The following TMEM132D variants were observed in gnomAD, a reference collection of about 807,000 sequenced individuals.
TMEM132D encodes the protein mature OL transmembrane protein.
Under a neutral mutation model 62.3 loss-of-function variants are expected in TMEM132D, and 21 were observed. The observed-to-expected ratio is 0.34, with a 90% CI of 0.24 to 0.49. The LOEUF (loss-of-function observed/expected upper bound fraction) is 0.49. Ranked by LOEUF, TMEM132D falls within the 20% of genes least tolerant of loss-of-function variation. The pLI is 0.99. For missense variants in TMEM132D, 1,346 were observed against 1,402.8 expected, an observed-to-expected ratio of 0.96 and a Z score of 0.65; for synonymous variants, 621 against 575.6, an observed-to-expected ratio of 1.08 and a Z score of -1.13.
intron 4 of TMEM132D, among the ~76,000 whole-genome samples, chr12:129,325,542 G>A (rs981449053): frequency 6.6e-6 from 1 of 152,168 alleles, no homozygotes; most frequent in East Asian, 1.9e-4. Flanking sequence ...TTTCTTGTGA[G>A]AAATACAACA....
chr12:129,782,329 A>G (rs1871142795), intron 1 of TMEM132D, among the ~76,000 whole-genome samples: 1 of 152,126 alleles, frequency 6.6e-6, no homozygotes, highest in Non-Finnish European at 1.5e-5. Flanking sequence ...GTTTCAGACC[A>G]TGGGCTCTGG....
intron 2 of TMEM132D, among the ~76,000 whole-genome samples, chr12:129,654,759 A>C (rs1207735319): frequency 6.6e-6 from 1 of 152,084 alleles, no homozygotes; most frequent in African/African-American, 2.4e-5. Flanking sequence ...TCTCCTTTTT[A>C]CTCTCAAGAG....
intron 4 of TMEM132D, among the ~76,000 whole-genome samples, chr12:129,337,092 C>T (rs1435616324): frequency 6.6e-6 from 1 of 152,154 alleles, no homozygotes; most frequent in African/African-American, 2.4e-5. Context: ...TTAGTGTCAC[C>T]GGGCAGCTGT....
chr12:129,849,397 T>C (rs1005942069), intron 1 of TMEM132D, among the ~76,000 whole-genome samples: 1 of 152,200 alleles, frequency 6.6e-6, no homozygotes, highest in Non-Finnish European at 1.5e-5. Context: ...CCCGCTTAGT[T>C]TGAGTCATCA....
At chr12:129,088,112 C>T (rs1355462550) in intron 5 of TMEM132D, among the ~76,000 whole-genome samples, 11 of 58,102 alleles carry the variant, frequency 1.9e-4, no homozygotes, top group Non-Finnish European at 2.0e-4. Context: ...GGGTGTCCTC[C>T]CTGACCGGGT....
At chr12:129,447,677 A>G (rs1873145142) in intron 3 of TMEM132D, among the ~76,000 whole-genome samples, 1 of 152,216 alleles carries the variant, frequency 6.6e-6, no homozygotes, top group Admixed American at 6.5e-5. Flanking sequence ...TGTGCACTGT[A>G]CAAATTAGCT....
Position 129,296,049 on chromosome 12 carries a change from T to C in TMEM132D, c.1299+41585A>G, listed in dbSNP as rs139421372. ...ATATATATGAACATGCACACACATA[T>C]ATACATCTATATGAACATGCACACA... is the stretch of plus-strand genomic sequence containing the variant. On this transcript the variant is annotated intron_variant, in intron 4 of 8. Coordinates refer to ENST00000422113, the MANE Select transcript of TMEM132D (RefSeq NM_133448.3). 6.0e-4 allele frequency among the ~76,000 whole-genome samples: 91 copies of C among 150,486 alleles called. 1 individual carries two copies. In the East Asian group the frequency reaches 0.017, roughly 28 times the overall value.
intron 3 of TMEM132D, among the ~76,000 whole-genome samples, chr12:129,392,802 C>A (rs1320394823): frequency 6.6e-6 from 1 of 152,164 alleles, no homozygotes; most frequent in Non-Finnish European, 1.5e-5. Flanking sequence ...TGCACTACAC[C>A]CAATATGGCA....
intron 4 of TMEM132D, among the ~76,000 whole-genome samples, chr12:129,334,649 A>G (rs1285635903): frequency 6.6e-6 from 1 of 152,054 alleles, no homozygotes; most frequent in African/African-American, 2.4e-5. Context: ...GTATTGCTCT[A>G]TCACCCAGGC....
intron 1 of TMEM132D, chr12:129,852,488 G>A (rs1326719226): frequency 6.6e-6 from 1 of 152,112 alleles, no homozygotes; most frequent in East Asian, 1.9e-4. Context: ...AGGCTGAAGT[G>A]AGCTGAGATC....
At chr12:129,352,415 A>G (rs1457695802) in intron 3 of TMEM132D, among the ~76,000 whole-genome samples, 1 of 148,498 alleles carries the variant, frequency 6.7e-6, no homozygotes, top group Non-Finnish European at 1.5e-5. Context: ...CTGTCTATGA[A>G]GTAGCTGTCC....
intron 3 of TMEM132D, among the ~76,000 whole-genome samples, chr12:129,529,111 G>C (rs544208650): frequency 2.0e-4 from 31 of 152,072 alleles, no homozygotes; most frequent in Admixed American, 1.8e-3. Context: ...CCATCATCCA[G>C]ACCCATAGTA....
At chr12:129,881,136 G>A (rs551402307) in intron 1 of TMEM132D, among the ~76,000 whole-genome samples, 43 of 152,038 alleles carry the variant, frequency 2.8e-4, no homozygotes, top group Non-Finnish European at 5.0e-4. Context: ...TTATAAAGGA[G>A]TTGATACACT....
intron 3 of TMEM132D, among the ~76,000 whole-genome samples, chr12:129,384,316 CAGAT>C (rs1295819956): frequency 3.9e-5 from 6 of 152,188 alleles, no homozygotes; most frequent in African/African-American, 1.4e-4. Context: ...CATTGTGTCA[CAGAT>C]GGATGGGCTC....
intron 3 of TMEM132D, among the ~76,000 whole-genome samples, chr12:129,429,669 A>G (rs1872597934): frequency 1.3e-5 from 2 of 150,612 alleles, no homozygotes; most frequent in Non-Finnish European, 1.5e-5. Flanking sequence ...GTGCCATGTT[A>G]GTGTGCTGCA....
chr12:129,381,800 T>TAA (rs1870963161), intron 3 of TMEM132D, among the ~76,000 whole-genome samples: 1 of 152,204 alleles, frequency 6.6e-6, no homozygotes, highest in South Asian at 2.1e-4. Flanking sequence ...ATTTCTCTTG[T>TAA]AATCAGCATC....
At chr12:129,771,748 C>T (rs1870761237) in intron 1 of TMEM132D, among the ~76,000 whole-genome samples, 1 of 152,184 alleles carries the variant, frequency 6.6e-6, no homozygotes, top group South Asian at 2.1e-4. Context: ...ACTACCCTTG[C>T]CTTTGAATAC....
chr12:129,328,769 C>G (rs549261577), intron 4 of TMEM132D, among the ~76,000 whole-genome samples: 1 of 151,998 alleles, frequency 6.6e-6, no homozygotes, highest in African/African-American at 2.4e-5. Context: ...CGCTCTGTTT[C>G]CCGTGTGAGA....
At chr12:129,683,384 G>A (rs1880832874) in intron 2 of TMEM132D, among the ~76,000 whole-genome samples, 1 of 152,118 alleles carries the variant, frequency 6.6e-6, no homozygotes, top group Non-Finnish European at 1.5e-5. Flanking sequence ...TTGTTTTGAG[G>A]ATTAAATGTG....
Sources: allele counts gnomAD v4.1 joint callset (sites outside exome capture counted in the v4.1 genomes callset), GRCh38; gene constraint gnomAD v4.1.1; transcripts MANE v1.5; gene names NCBI Gene and HGNC (gene_info 2026-07-23, HGNC 2026-07-21).